Variants in PYROXD2 observed in about 807,000 individuals in gnomAD.
PYROXD2 encodes the protein pyridine nucleotide-disulfide oxidoreductase domain-containing protein 2.
In PYROXD2, 69 loss-of-function variants were observed where a neutral mutation model predicts 71.1. The observed-to-expected ratio is 0.97, with a 90% CI of 0.80 to 1.19. The LOEUF (loss-of-function observed/expected upper bound fraction) is 1.19. Ranked by LOEUF, PYROXD2 falls within the 50% of genes most tolerant of loss-of-function variation. The pLI is 0.00. For synonymous variants in PYROXD2, 287 were observed against 302.7 expected (o/e 0.95, Z 0.54); for missense variants, 745 against 748.9 (o/e 0.99, Z 0.06).
intron 8 of PYROXD2, among the ~76,000 whole-genome samples, chr10:98,394,933 G>A (rs1843105791): frequency 6.6e-6 from 1 of 152,090 alleles, no homozygotes; most frequent in Non-Finnish European, 1.5e-5. Flanking sequence ...ATTTTGGGGA[G>A]TCAGACACCT....
Position 98,391,186 on chromosome 10 carries a change from T to C in PYROXD2, c.1063-104A>G. 3 of 774,988 alleles carry C rather than the reference T, an allele frequency of 3.9e-6. No homozygotes were observed. The South Asian group carries it at 4.3e-5, about 11-fold the overall frequency. 48.0% of individuals were successfully genotyped at this position (774,988 alleles called of 1,614,324 possible). On this transcript the variant is annotated intron_variant, in intron 10 of 15. Coordinates refer to ENST00000370575, the MANE Select transcript of PYROXD2 (RefSeq NM_032709.3). The stretch of plus-strand genomic sequence containing the variant: ...ATCCCTCAGTCGCTCCCTCCGGAAA[T>C]CCTCTTCATCCTTCAAAGCTCAGCC...
intron 4 of PYROXD2, among the ~76,000 whole-genome samples, chr10:98,404,603 T>C (rs1843531281): frequency 6.6e-6 from 1 of 152,226 alleles, no homozygotes; most frequent in African/African-American, 2.4e-5. Context: ...ACCCTTCTTT[T>C]ATTTACCCCA....
intron 5 of PYROXD2, 39 bp downstream of exon 5, chr10:98,400,063 T>C (rs371863611): frequency 7.5e-6 from 12 of 1,603,332 alleles, no homozygotes; most frequent in Non-Finnish European, 1.0e-5. Context: ...TCTAGGCTGC[T>C]GAGGGAGCAG....
chr10:98,413,150 T>C (rs1043579992), intron 1 of PYROXD2, among the ~76,000 whole-genome samples: 2 of 152,118 alleles, frequency 1.3e-5, no homozygotes, highest in Non-Finnish European at 2.9e-5. Context: ...TGCTACTGGG[T>C]ATCTCTCCTA....
intron 10 of PYROXD2, among the ~76,000 whole-genome samples, chr10:98,391,606 C>A (rs1432097503): frequency 6.6e-6 from 1 of 152,118 alleles, no homozygotes; most frequent in Non-Finnish European, 1.5e-5. Context: ...CCTGTTTGCA[C>A]ACCCACTTCC....
chr10:98,386,014 T>C (rs141166291), intron 14 of PYROXD2, among the ~76,000 whole-genome samples: 2,358 of 152,108 alleles, frequency 0.016, 67 homozygotes, highest in African/African-American at 0.054. Flanking sequence ...TGGTGGCCCA[T>C]GCCTGCAATC....
intron 4 of PYROXD2, 111 bp downstream of exon 4, chr10:98,407,471 G>T: frequency 1.5e-6 from 2 of 1,313,532 alleles, no homozygotes; most frequent in Non-Finnish European, 2.1e-6. Context: ...GGAAGAGGGA[G>T]CCCTCAGGGG....
At chr10:98,393,282 A>G (rs1247213476) in intron 8 of PYROXD2, among the ~76,000 whole-genome samples, 199 bp from the exon 9 acceptor site, 2 of 151,968 alleles carry the variant, frequency 1.3e-5, no homozygotes, top group East Asian at 3.9e-4. Context: ...AAGTGTGTCT[A>G]TGTGCATAGC....
chr10:98,388,347 TCTTTAC>T lies in PYROXD2; in HGVS notation c.1447+1_1447+6del. ...GCTCTGGAGGCAGAACGTGCAGCTG[TCTTTAC>T]CTCTGTCTGCATAAGCGTCTCTCTC... On this transcript the variant is annotated splice_donor_variant and splice_donor_5th_base_variant and intron_variant, in intron 13 of 15. Transcript: ENST00000370575. LOFTEE classifies it high-confidence loss of function. 1 of 1,613,630 alleles carries T rather than the reference TCTTTAC, an allele frequency of 6.2e-7. No homozygotes were observed. The highest frequency in any genetic ancestry group is 8.5e-7 in the Non-Finnish European group (1 of 1,179,894).
Position 98,415,081 on chromosome 10 carries a change from C to A in PYROXD2, c.55G>T (p.Ala19Ser). 1.2e-6 allele frequency: 2 copies of A among 1,614,132 alleles called. No homozygotes were observed. Among genetic ancestry groups the A allele is most frequent in the African/African-American group, 2.7e-5 (2 of 75,066 alleles). ...CKAVAASPFP[A>S]WRRDNTEARG... ...GCTTCCGTGTTATCTCGTCTCCACG[C>A]CGGGAAGGGAGAGGCGGCCACAGCC... The change falls in exon 1 of 16, where the codon GCG becomes TCG. Residue 19 changes from alanine to serine, a missense_variant. By Grantham distance (99) the Ala-to-Ser change is moderately conservative. Transcript: ENST00000370575.
At chr10:98,406,034 T>C (rs916935592) in intron 4 of PYROXD2, among the ~76,000 whole-genome samples, 9 of 152,206 alleles carry the variant, frequency 5.9e-5, no homozygotes, top group African/African-American at 1.9e-4. Flanking sequence ...AGGAGTTTAG[T>C]TGTCCTCCTG....
intron 14 of PYROXD2, 22 bp downstream of exon 14, chr10:98,387,179 G>C (rs910096171): frequency 6.4e-7 from 1 of 1,567,516 alleles, no homozygotes; most frequent in Non-Finnish European, 8.8e-7. Context: ...TATGGTGAGA[G>C]ACCCCCTAGG....
chr10:98,400,070 G>A, intron 5 of PYROXD2, 32 bp downstream of exon 5: 2 of 1,606,432 alleles, frequency 1.2e-6, no homozygotes, highest in Non-Finnish European at 1.7e-6. Flanking sequence ...TGCTGAGGGA[G>A]CAGGAGCTCA....
At chr10:98,386,698 G>A (rs915683284) in intron 14 of PYROXD2, among the ~76,000 whole-genome samples, 8 of 152,056 alleles carry the variant, frequency 5.3e-5, no homozygotes, top group African/African-American at 1.4e-4. Flanking sequence ...CCACAGGTAC[G>A]CACCACCACA....
chr10:98,389,066 T>C (rs1178794289), intron 12 of PYROXD2, among the ~76,000 whole-genome samples: 2 of 152,134 alleles, frequency 1.3e-5, no homozygotes, highest in East Asian at 1.9e-4. Context: ...CCACGGGAAA[T>C]GCCCCTTCTC....
intron 2 of PYROXD2, 111 bp downstream of exon 2, chr10:98,410,828 T>C (rs1843759732): frequency 1.3e-6 from 2 of 1,499,842 alleles, no homozygotes; most frequent in Non-Finnish European, 1.8e-6. Flanking sequence ...GGCTGCCTTT[T>C]CCTTCTCTCT....
intron 15 of PYROXD2, among the ~76,000 whole-genome samples, chr10:98,384,269 G>A (rs185063728): frequency 2.0e-5 from 3 of 152,078 alleles, no homozygotes; most frequent in Admixed American, 6.5e-5. Flanking sequence ...AGCCAGCTCC[G>A]TTAGGCTTGG....
At position 98,392,540 on chromosome 10, in the gene PYROXD2, A is replaced by T. The variant is rs748775429; in HGVS notation, c.954T>A (p.Ser318Arg). The T allele has an allele frequency of 1.2e-6, 2 of 1,612,696 alleles. No individual in the cohort carries two copies. The highest frequency in any genetic ancestry group is 4.5e-5 in the East Asian group (2 of 44,898). Residue 318 changes from serine (S) to arginine (R), a missense_variant, in exon 10 of 16, where the codon AGT becomes AGA. Coordinates refer to ENST00000370575, the MANE Select transcript of PYROXD2 (RefSeq NM_032709.3). The part of the protein sequence containing the change: ...EKTVAKVQVN[S>R]EGCVQGVVLE... ...GCACAACTCCTTGAACACAGCCTTC[A>T]CTGTTCACCTGCACCTTCGCCACTG...
Position 98,390,538 on chromosome 10 carries a change from G to A in PYROXD2, c.1292+60C>T, listed in dbSNP as rs556499059. The A allele has an allele frequency of 3.1e-5, 46 of 1,501,620 alleles. 2 individuals are homozygous for A. The Middle Eastern group carries it at 9.0e-4, about 29-fold the overall frequency. 93.0% of individuals were successfully genotyped at this position (1,501,620 alleles called of 1,614,324 possible). On this transcript the variant is annotated intron_variant, in intron 12 of 15. Coordinates refer to ENST00000370575, the MANE Select transcript of PYROXD2 (RefSeq NM_032709.3). ...ATCCCTGCTGTGGGTGGCATGGACA[G>A]CCCCGCCTCCCAGGCCCATGTGGAA...
Sources: gnomAD v4.1 joint callset for allele counts (sites outside exome capture counted in the v4.1 genomes callset) on GRCh38, gnomAD v4.1.1 for gene constraint, MANE v1.5 for transcripts, NCBI Gene and HGNC (gene_info 2026-07-23, HGNC 2026-07-21) for gene names.